SLC35B4: variants seen among roughly 807,000 people sequenced by gnomAD.
The protein encoded by SLC35B4 is solute carrier family 35 member B4, also known as nucleotide sugar transporter SLC35B4.
SLC35B4 carries 28 observed loss-of-function variants against 39.5 expected under a neutral mutation model. The observed-to-expected ratio is 0.71, with a 90% CI of 0.53 to 0.97. The LOEUF is 0.97. SLC35B4 is among the 50% of genes least tolerant of loss of function. SLC35B4 has a pLI of 0.00. For synonymous variants in SLC35B4, 145 were observed against 150.4 expected (o/e 0.96, Z 0.26); for missense variants, 334 against 414.3 (o/e 0.81, Z 1.68).
intron 8 of SLC35B4, among the ~76,000 whole-genome samples, chr7:134,297,409 A>C (rs1276047245): frequency 3.9e-5 from 6 of 152,188 alleles, no homozygotes; most frequent in Admixed American, 6.5e-5. Context: ...AGGAAGAAAA[A>C]GGTTCTGCAC....
At chr7:134,320,278 C>T (rs773573641), upstream of SLC35B4, among the ~76,000 whole-genome samples, 1 of 152,140 alleles carries the variant, frequency 6.6e-6, no homozygotes, top group Non-Finnish European at 1.5e-5. Context: ...GGTTGATCCC[C>T]GAGATGGCAG....
rs6960282 is a variant in SLC35B4, at chr7:134,308,575, T to G, written c.191+791A>C. 7.8e-3 allele frequency among the ~76,000 whole-genome samples: 1,181 copies of G among 152,338 alleles called. 15 individuals carry two copies. The highest frequency in any genetic ancestry group is 0.027 in the African/African-American group (1,114 of 41,582). On this transcript the variant is annotated intron_variant, in intron 2 of 9. Coordinates refer to ENST00000378509, the MANE Select transcript of SLC35B4 (RefSeq NM_032826.5). ...GCCAGATTTTCTATAGCAGGCTACG[T>G]AAGAATGCTGCAAAAGAAAACCAAC... is the stretch of plus-strand genomic sequence containing the variant.
intron 4 of SLC35B4, among the ~76,000 whole-genome samples, chr7:134,302,784 TAAG>T (rs1486481642): frequency 6.6e-6 from 1 of 152,038 alleles, no homozygotes; most frequent in Non-Finnish European, 1.5e-5. Context: ...TAAAAGAAAT[TAAG>T]AAGATGAACC....
chr7:134,293,476 TAA>T lies in SLC35B4; in HGVS notation c.*1355_*1356del, dbSNP rs994205149. 3 of 152,232 alleles carry T rather than the reference TAA, an allele frequency of 2.0e-5. No individual in the cohort carries two copies. The highest frequency in any genetic ancestry group is 4.4e-5 in the Non-Finnish European group (3 of 68,052). The allele number at this position is 152,232 out of a possible 1,614,324, so 9.4% of individuals were successfully genotyped here. ...CATCCTCAATACCCATCGAGAATGC[TAA>T]GATACCTCATAGGACAATAACAACT... On this transcript the variant is annotated 3_prime_UTR_variant, in exon 10 of 10. Transcript: ENST00000378509.
rs976954416 is a variant in SLC35B4 at position 134,294,221 on chromosome 7, G to C, written c.*612C>G. On this transcript the variant is annotated 3_prime_UTR_variant, in exon 10 of 10. Coordinates refer to ENST00000378509, the MANE Select transcript of SLC35B4 (RefSeq NM_032826.5). Reference sequence around the variant, plus strand: ...AAAAAAAAAAGCAAAATGTGGGAAAGAGGAGTCCCACTAGTCTTGCTGCAC... The same window carrying C: ...AAAAAAAAAAGCAAAATGTGGGAAACAGGAGTCCCACTAGTCTTGCTGCAC... 4 of 152,224 alleles carry C rather than the reference G, an allele frequency of 2.6e-5. No individual in the cohort carries two copies. The highest frequency in any genetic ancestry group is 5.9e-5 in the Non-Finnish European group (4 of 68,182). 9.4% of individuals were successfully genotyped at this position (152,224 alleles called of 1,614,324 possible). A position where few individuals can be genotyped will look rare whatever the true frequency, so the allele number is the denominator to read the frequency against.
At chr7:134,308,596 C>G (rs775241148) in intron 2 of SLC35B4, among the ~76,000 whole-genome samples, 2 of 152,144 alleles carry the variant, frequency 1.3e-5, no homozygotes, top group African/African-American at 2.4e-5. Context: ...CAAAAGAAAA[C>G]CAACAAAGAT....
chr7:134,308,141 C>T (rs1202562707), intron 2 of SLC35B4, among the ~76,000 whole-genome samples: 1 of 152,124 alleles, frequency 6.6e-6, no homozygotes, highest in Non-Finnish European at 1.5e-5. Flanking sequence ...GTTATGAGGG[C>T]AAGATCACAG....
intron 9 of SLC35B4, 120 bp from the exon 10 acceptor site, chr7:134,295,199 A>G: frequency 7.6e-7 from 1 of 1,321,342 alleles, no homozygotes; most frequent in Non-Finnish European, 1.0e-6. Flanking sequence ...AAGGTCCGCT[A>G]CGGCAGCTCT....
rs1413169822 is a variant in SLC35B4 at position 134,293,618 on chromosome 7, T to A, written c.*1215A>T. The A allele has an allele frequency of 6.6e-6, 1 of 152,142 alleles. No homozygotes were observed. The highest frequency in any genetic ancestry group is 1.5e-5 in the Non-Finnish European group (1 of 68,048). The allele number at this position is 152,142 out of a possible 1,614,324, so 9.4% of individuals were successfully genotyped here. A position where few individuals can be genotyped will look rare whatever the true frequency, so the allele number is the denominator to read the frequency against. ...CAGAGTCATCGGGCAGAGGGGAATCTCCTGGTGGTGAAGCCTTATCCTCCC... is the reference window on the plus strand; with the variant it reads ...CAGAGTCATCGGGCAGAGGGGAATCACCTGGTGGTGAAGCCTTATCCTCCC... On this transcript the variant is annotated 3_prime_UTR_variant, in exon 10 of 10. Coordinates refer to ENST00000378509, the MANE Select transcript of SLC35B4 (RefSeq NM_032826.5).
chr7:134,314,980 T>G (rs182153901), intron 1 of SLC35B4, among the ~76,000 whole-genome samples: 285 of 152,294 alleles, frequency 1.9e-3, no homozygotes, highest in African/African-American at 5.7e-3. Context: ...ATCAACACTT[T>G]CTGTACAATA....
chr7:134,305,336 G>GTA (rs112975529), intron 3 of SLC35B4, among the ~76,000 whole-genome samples: 15,828 of 149,166 alleles, frequency 0.11, 2,164 homozygotes, highest in African/African-American at 0.32. Flanking sequence ...AAAAATATAC[G>GTA]TATATATATA....
At chr7:134,299,000 T>TA (rs1345369946) in intron 8 of SLC35B4, among the ~76,000 whole-genome samples, 4 of 152,250 alleles carry the variant, frequency 2.6e-5, no homozygotes, top group Non-Finnish European at 5.9e-5. Context: ...ACAGCTAACT[T>TA]ACACTAGACG....
chr7:134,294,740 G>C lies in SLC35B4; in HGVS notation c.*93C>G, dbSNP rs1563213331. ...TTTGCACGGCTGGCTCAGCACTGCG[G>C]GTAGCTCGGCATTAACAAAAGCGAA... On this transcript the variant is annotated 3_prime_UTR_variant, in exon 10 of 10. Transcript: ENST00000378509. 26 of 1,516,326 alleles carry C rather than the reference G, an allele frequency of 1.7e-5. No homozygotes were observed. Among genetic ancestry groups the C allele is most frequent in the Non-Finnish European group, 2.2e-5 (25 of 1,118,114 alleles). The allele number at this position is 1,516,326 out of a possible 1,614,324, so 93.9% of individuals were successfully genotyped here.
At position 134,289,507 on chromosome 7, in the gene SLC35B4, C is replaced by T. The variant is rs539762429; in HGVS notation, c.*5326G>A. ...CTCAGCTTTCTACTCCCTCCTCCCCCATCTTTGTTCTTAAAACCTAATGGT... is the reference window on the plus strand; with the variant it reads ...CTCAGCTTTCTACTCCCTCCTCCCCTATCTTTGTTCTTAAAACCTAATGGT... On this transcript the variant is annotated 3_prime_UTR_variant, in exon 10 of 10. Transcript: ENST00000378509. 4 of 152,644 alleles carry T rather than the reference C, an allele frequency of 2.6e-5. No individual in the cohort carries two copies. The highest frequency in any genetic ancestry group is 5.9e-5 in the Non-Finnish European group (4 of 68,064). The allele number at this position is 152,644 out of a possible 1,614,324, so 9.5% of individuals were successfully genotyped here. A position where few individuals can be genotyped will look rare whatever the true frequency, so the allele number is the denominator to read the frequency against.
chr7:134,307,673 T>C (rs558692473), intron 2 of SLC35B4, among the ~76,000 whole-genome samples: 2 of 152,324 alleles, frequency 1.3e-5, no homozygotes, highest in African/African-American at 2.4e-5. Flanking sequence ...TCTTGGAGAT[T>C]CCCAACCATT....
intron 1 of SLC35B4, among the ~76,000 whole-genome samples, chr7:134,311,948 C>T (rs867913076): frequency 2.0e-5 from 3 of 152,092 alleles, no homozygotes; most frequent in South Asian, 2.1e-4. Flanking sequence ...CACCGACATG[C>T]GATATGTTGC....
In SLC35B4 at chr7:134,292,558, C is replaced by T. The variant is rs77123301; in HGVS notation, c.*2275G>A. The stretch of plus-strand genomic sequence containing the variant: ...ATCAACACATACCCAATGAAGAAAA[C>T]TTGTAATGTTTTCATCAACATAAAA... On this transcript the variant is annotated 3_prime_UTR_variant, in exon 10 of 10. Coordinates refer to ENST00000378509, the MANE Select transcript of SLC35B4 (RefSeq NM_032826.5). 6.6e-6 allele frequency: 1 copy of T among 152,134 alleles called. No individual in the cohort carries two copies. Among genetic ancestry groups the T allele is most frequent in the Non-Finnish European group, 1.5e-5 (1 of 68,034 alleles). 9.4% of individuals were successfully genotyped at this position (152,134 alleles called of 1,614,324 possible).
At chr7:134,300,062 C>T (rs1357476952) in intron 7 of SLC35B4, 90 bp downstream of exon 7, 2 of 949,788 alleles carry the variant, frequency 2.1e-6, no homozygotes, top group Admixed American at 2.4e-5. Flanking sequence ...AATACACCTT[C>T]AACTACATCA....
At chr7:134,317,370 A>G (rs80201474), upstream of SLC35B4, among the ~76,000 whole-genome samples, 10,242 of 152,248 alleles carry the variant, frequency 0.067, 1,032 homozygotes, top group African/African-American at 0.22. Context: ...TGAGAATTCA[A>G]GTAAAGCAAT....
Sources: allele counts gnomAD v4.1 joint callset (sites outside exome capture counted in the v4.1 genomes callset), GRCh38; gene constraint gnomAD v4.1.1; transcripts MANE v1.5; gene names NCBI Gene and HGNC (gene_info 2026-07-23, HGNC 2026-07-21).